MYCBP2: variants seen among roughly 807,000 people sequenced by gnomAD.
The protein encoded by MYCBP2 is E3 ubiquitin-protein ligase MYCBP2.
A neutral mutation model predicts 525.3 loss-of-function variants in MYCBP2; 120 were observed. That is an observed-to-expected ratio of 0.23 (90% CI 0.20 to 0.27). MYCBP2 has a LOEUF of 0.27. Ranked by LOEUF, MYCBP2 falls within the 10% of genes least tolerant of loss-of-function variation. The pLI is 1.00. For synonymous variants in MYCBP2, 1,894 were observed against 1,955.8 expected, an observed-to-expected ratio of 0.97 and a Z score of 0.83; for missense variants, 4,149 against 5,657.1, an observed-to-expected ratio of 0.73 and a Z score of 8.55.
chr13:77,229,390 A>T (rs1360969721), intron 18 of MYCBP2, among the ~76,000 whole-genome samples: 4 of 152,238 alleles, frequency 2.6e-5, no homozygotes, highest in African/African-American at 7.2e-5. Flanking sequence ...AACCAGCCCA[A>T]AATCATAAAT....
intron 30 of MYCBP2, among the ~76,000 whole-genome samples, chr13:77,187,577 T>C (rs938866072): frequency 1.3e-5 from 2 of 152,160 alleles, no homozygotes; most frequent in African/African-American, 4.8e-5. Flanking sequence ...AGAATAATGG[T>C]ACGCAAACGG....
At chr13:77,239,104 A>G (rs1247223333) in intron 17 of MYCBP2, among the ~76,000 whole-genome samples, 1 of 152,076 alleles carries the variant, frequency 6.6e-6, no homozygotes, top group African/African-American at 2.4e-5. Flanking sequence ...TGGGTAACAG[A>G]GTGGGACTGT....
intron 39 of MYCBP2, 47 bp from the exon 40 acceptor site, chr13:77,168,693 G>A (rs2058794893): frequency 1.3e-6 from 2 of 1,555,416 alleles, no homozygotes; most frequent in African/African-American, 2.7e-5. Flanking sequence ...ACGTGAAAGT[G>A]GTTCTAAAAT....
intron 27 of MYCBP2, among the ~76,000 whole-genome samples, chr13:77,193,175 G>A (rs1566877258): frequency 6.6e-6 from 1 of 151,618 alleles, no homozygotes; most frequent in Non-Finnish European, 1.5e-5. Context: ...AAATAAATAC[G>A]GCAAATGACA....
At chr13:77,085,448 T>C (rs1374558841) in intron 62 of MYCBP2, among the ~76,000 whole-genome samples, 1 of 152,166 alleles carries the variant, frequency 6.6e-6, no homozygotes, top group African/African-American at 2.4e-5. Flanking sequence ...AGACTGTCAA[T>C]CATTCAAATC....
intron 1 of MYCBP2, among the ~76,000 whole-genome samples, chr13:77,298,777 T>C (rs1482639451): frequency 6.6e-6 from 1 of 152,152 alleles, no homozygotes; most frequent in East Asian, 1.9e-4. Context: ...TTCCACAAGA[T>C]AGTATGCCAT....
chr13:77,071,812 T>A (rs2041349824), intron 68 of MYCBP2, among the ~76,000 whole-genome samples: 1 of 152,192 alleles, frequency 6.6e-6, no homozygotes, highest in Admixed American at 6.5e-5. Context: ...TAAAACAGAC[T>A]ATATTATAGG....
In MYCBP2 at chr13:77,157,976, A is replaced by G. The variant is rs1436256801; in HGVS notation, c.6731T>C (p.Ile2244Thr). 3.7e-6 allele frequency: 6 copies of G among 1,613,612 alleles called. No homozygotes were observed. Among genetic ancestry groups the G allele is most frequent in the South Asian group, 1.1e-5 (1 of 90,914 alleles). Residue 2244 changes from isoleucine to threonine, a missense_variant, in exon 45 of 83, where the codon ATT becomes ACT. Ile to Thr is a moderately conservative substitution (Grantham distance 89). This residue lies in a region of MYCBP2 where 692 missense variants were observed against 852.7 expected (regional missense o/e 0.81). Coordinates refer to ENST00000544440, the MANE Select transcript of MYCBP2 (RefSeq NM_015057.5). ...ACCACTTGATCCTGGGACACAGGCA[A>G]TAAAATCATCCAGAAAAGACTGTTC... ...SNEQSFLDDF[I>T]ACVPGSSGGR...
intron 41 of MYCBP2, 81 bp downstream of exon 41, chr13:77,166,248 C>G (rs2058505163): frequency 2.0e-6 from 2 of 996,462 alleles, no homozygotes; most frequent in Non-Finnish European, 2.9e-6. Context: ...ATTAGATAAA[C>G]ATTTTCAATG....
intron 1 of MYCBP2, among the ~76,000 whole-genome samples, chr13:77,297,089 T>C (rs1026371973): frequency 6.6e-6 from 1 of 152,190 alleles, no homozygotes; most frequent in Non-Finnish European, 1.5e-5. Flanking sequence ...TTTACTAAAC[T>C]ACTATAGGAA....
chr13:77,246,952 A>G (rs925347293), intron 15 of MYCBP2, among the ~76,000 whole-genome samples: 10 of 152,184 alleles, frequency 6.6e-5, no homozygotes, highest in African/African-American at 2.4e-4. Context: ...ACAAACTAGG[A>G]ATAGAAGGAA....
intron 58 of MYCBP2, 105 bp from the exon 59 acceptor site, chr13:77,093,437 T>A: frequency 1.0e-6 from 1 of 955,898 alleles, no homozygotes; most frequent in South Asian, 1.8e-5. Context: ...AAATCATAGT[T>A]AAAGGCAAAG....
intron 72 of MYCBP2, among the ~76,000 whole-genome samples, chr13:77,065,083 A>G (rs1251712732): frequency 1.3e-5 from 2 of 152,242 alleles, no homozygotes; most frequent in Admixed American, 1.3e-4. Context: ...TAAAATTTAC[A>G]CAGTGAAGCT....
chr13:77,285,240 G>A (rs1214442451), intron 3 of MYCBP2, among the ~76,000 whole-genome samples: 1 of 152,068 alleles, frequency 6.6e-6, no homozygotes, highest in Non-Finnish European at 1.5e-5. Flanking sequence ...ATTTACCCAG[G>A]CTTTTGTTTT....
intron 10 of MYCBP2, 57 bp downstream of exon 10, chr13:77,263,594 A>G: frequency 2.1e-6 from 3 of 1,451,644 alleles, no homozygotes; most frequent in Non-Finnish European, 2.8e-6. Context: ...TTCATTTTTA[A>G]GAGTATGAAA....
At chr13:77,166,966 AACACACACATACACACACACACAC>A (rs1566780239) in intron 40 of MYCBP2, among the ~76,000 whole-genome samples, 1 of 123,880 alleles carries the variant, frequency 8.1e-6, no homozygotes, top group East Asian at 2.2e-4. Flanking sequence ...TCAAAGACAA[AACACACACATACACACACACACAC>A]ACACACACAC....
intron 55 of MYCBP2, 146 bp from the exon 56 acceptor site, chr13:77,099,159 G>T: frequency 1.9e-6 from 2 of 1,074,170 alleles, no homozygotes; most frequent in Non-Finnish European, 2.6e-6. Flanking sequence ...ATAAAGGAAA[G>T]AAGGGGGAAA....
At position 77,124,769 on chromosome 13, in the gene MYCBP2, C is replaced by T. The variant is rs73239490; in HGVS notation, c.8017+567G>A. ...ACAAGTGATAATGTGGTCTCAACTT[C>T]GAAGAACAAATTTTTGCCACCAAGA... On this transcript the variant is annotated intron_variant, in intron 54 of 82. Transcript: ENST00000544440. Among the ~76,000 whole-genome samples the T allele has an allele frequency of 5.9e-5, 9 of 151,708 alleles. 1 individual carries two copies. The South Asian group carries it at 6.3e-4, about 11-fold the overall frequency.
At chr13:77,324,370 T>C (rs1397537604) in intron 1 of MYCBP2, among the ~76,000 whole-genome samples, 1 of 152,212 alleles carries the variant, frequency 6.6e-6, no homozygotes, top group Non-Finnish European at 1.5e-5. Context: ...CTAAAAGATA[T>C]CATCTTCTCC....
Sources: gnomAD v4.1 joint callset for allele counts (sites outside exome capture counted in the v4.1 genomes callset) on GRCh38, gnomAD v4.1.1 for gene constraint, gnomAD v4.1.1 regional missense constraint, MANE v1.5 for transcripts, NCBI Gene and HGNC (gene_info 2026-07-23, HGNC 2026-07-21) for gene names.